Variants in INPP5B observed in about 807,000 individuals in gnomAD.
INPP5B encodes inositol polyphosphate-5-phosphatase B.
In INPP5B, 90 loss-of-function variants were observed where a neutral mutation model predicts 118.5. That is an observed-to-expected ratio of 0.76 (90% CI 0.64 to 0.90). The LOEUF is 0.90. INPP5B is among the 40% of genes least tolerant of loss of function. The pLI is 0.00. For synonymous variants in INPP5B, 385 were observed against 418.9 expected, an observed-to-expected ratio of 0.92 and a Z score of 0.99; for missense variants, 984 against 1,125.6, an observed-to-expected ratio of 0.87 and a Z score of 1.80.
intron 14 of INPP5B, among the ~76,000 whole-genome samples, chr1:37,880,620 T>G (rs1643140392): frequency 6.6e-6 from 1 of 152,108 alleles, no homozygotes; most frequent in Non-Finnish European, 1.5e-5. Flanking sequence ...GTATTTTTAG[T>G]AGAGACAGAG....
intron 7 of INPP5B, among the ~76,000 whole-genome samples, chr1:37,920,931 CCT>C (rs1224305132): frequency 4.6e-5 from 7 of 152,020 alleles, no homozygotes; most frequent in African/African-American, 1.4e-4. Flanking sequence ...ACAGTGAAAC[CCT>C]GTCTCTACTA....
At chr1:37,912,455 T>C (rs1644731405) in intron 7 of INPP5B, among the ~76,000 whole-genome samples, 3 of 152,210 alleles carry the variant, frequency 2.0e-5, no homozygotes, top group Non-Finnish European at 4.4e-5. Flanking sequence ...ATTAGGTCTA[T>C]TCATCCTTAC....
At chr1:37,868,455 A>AGG (rs1300627137) in intron 20 of INPP5B, 46 bp downstream of exon 20, 6 of 1,311,706 alleles carry the variant, frequency 4.6e-6, no homozygotes, top group Non-Finnish European at 6.6e-6. Flanking sequence ...ATGGTCCTCA[A>AGG]GGCAGCCTGG....
At chr1:37,941,677 G>A (rs192171171) in intron 5 of INPP5B, among the ~76,000 whole-genome samples, 1,612 of 150,626 alleles carry the variant, frequency 0.011, 26 homozygotes, top group African/African-American at 0.038. Context: ...GGTGGCTCAC[G>A]CCTGTAATCC....
chr1:37,878,401 G>C (rs1642976440), intron 15 of INPP5B, 78 bp from the exon 16 acceptor site: 1 of 1,572,104 alleles, frequency 6.4e-7, no homozygotes, highest in South Asian at 1.2e-5. Flanking sequence ...TGGCTCAGGT[G>C]GGGAGTGATG....
intron 7 of INPP5B, among the ~76,000 whole-genome samples, chr1:37,897,790 G>A (rs1241342345): frequency 6.6e-6 from 1 of 151,724 alleles, no homozygotes; most frequent in Admixed American, 6.6e-5. Flanking sequence ...AATAAAATAA[G>A]ATAAAAGTAG....
At chr1:37,904,319 G>A (rs937111193) in intron 7 of INPP5B, among the ~76,000 whole-genome samples, 2 of 151,576 alleles carry the variant, frequency 1.3e-5, no homozygotes, top group Admixed American at 6.6e-5. Flanking sequence ...GCAAGACTCC[G>A]TCTCAAAAAA....
intron 7 of INPP5B, among the ~76,000 whole-genome samples, chr1:37,919,815 C>T (rs935500493): frequency 2.6e-5 from 4 of 152,016 alleles, no homozygotes; most frequent in African/African-American, 9.7e-5. Flanking sequence ...TGGTGGCAGG[C>T]GCCTATAATC....
In INPP5B at chr1:37,893,085, C is replaced by CTTTTTTTTTTT. The variant is rs71053999; in HGVS notation, c.533-1642_533-1632dup. ...TATGTTTTTTTATTATTTTCTTTTT[C>CTTTTTTTTTTT]TTTTTTTTTTTTTTTTTTTTTTTTT... On this transcript the variant is annotated intron_variant, in intron 7 of 23. Transcript: ENST00000373024. Among the ~76,000 whole-genome samples the CTTTTTTTTTTT allele has an allele frequency of 1.1e-4, 9 of 81,434 alleles. 1 individual carries two copies. Among genetic ancestry groups the CTTTTTTTTTTT allele is most frequent in the African/African-American group, 3.0e-4 (5 of 16,712 alleles). The allele number at this position is 81,434 out of a possible 152,430, so 53.4% of individuals were successfully genotyped here. A position where few individuals can be genotyped will look rare whatever the true frequency, so the allele number is the denominator to read the frequency against.
At chr1:37,896,418 A>G (rs1377979553) in intron 7 of INPP5B, among the ~76,000 whole-genome samples, 2 of 146,514 alleles carry the variant, frequency 1.4e-5, no homozygotes, top group Non-Finnish European at 3.0e-5. Flanking sequence ...TCCGGGAGGG[A>G]GGTGGGGGGG....
Position 37,885,715 on chromosome 1 carries a change from G to A in INPP5B, c.1242C>T (p.Asp414=). 1.2e-6 allele frequency: 2 copies of A among 1,614,186 alleles called. No individual in the cohort carries two copies. The highest frequency in any genetic ancestry group is 1.7e-6 in the Non-Finnish European group (2 of 1,180,016). ...GCATTCGAGAACAAATGTCCTTATAGTCCTGGTTCCTCCTCTCATACTCTT... is the reference window on the plus strand; with the variant it reads ...GCATTCGAGAACAAATGTCCTTATAATCCTGGTTCCTCCTCTCATACTCTT... The part of the protein sequence containing the change: ...HIEEYERRNQ[D]YKDICSRMQF... Residue 414 remains aspartate, a synonymous_variant, in exon 13 of 24, where the codon GAC becomes GAT. Coordinates refer to ENST00000373024, the MANE Select transcript of INPP5B (RefSeq NM_005540.3).
intron 7 of INPP5B, among the ~76,000 whole-genome samples, chr1:37,903,832 G>A (rs1644414236): frequency 6.6e-6 from 1 of 152,194 alleles, no homozygotes; most frequent in Non-Finnish European, 1.5e-5. Flanking sequence ...AGAGGTTGCA[G>A]TGAGCCAAGA....
intron 15 of INPP5B, among the ~76,000 whole-genome samples, chr1:37,879,066 G>C (rs1039150764): frequency 4.0e-5 from 6 of 150,196 alleles, no homozygotes; most frequent in Non-Finnish European, 7.4e-5. Context: ...GAGGTCAAGA[G>C]ATTGAGACCA....
At chr1:37,911,657 A>G (rs1168923909) in intron 7 of INPP5B, among the ~76,000 whole-genome samples, 1 of 152,174 alleles carries the variant, frequency 6.6e-6, no homozygotes, top group Non-Finnish European at 1.5e-5. Flanking sequence ...GTCAATATTT[A>G]TACTGACTCT....
intron 7 of INPP5B, chr1:37,931,593 C>T: frequency 6.5e-7 from 1 of 1,538,214 alleles, no homozygotes; most frequent in Non-Finnish European, 8.7e-7. Context: ...GCCAAACCGC[C>T]GACCCTGCCC....
chr1:37,934,796 C>G (rs1645622028), intron 6 of INPP5B, among the ~76,000 whole-genome samples: 2 of 152,164 alleles, frequency 1.3e-5, no homozygotes, highest in Non-Finnish European at 2.9e-5. Context: ...AGAAAGAAGT[C>G]ATCCTTGACT....
chr1:37,875,812 G>C, intron 16 of INPP5B, 96 bp from the exon 17 acceptor site: 1 of 773,660 alleles, frequency 1.3e-6, no homozygotes, highest in Non-Finnish European at 2.2e-6. Context: ...AATAGCAGTT[G>C]ATAGCAACAC....
rs1641704813 is a variant in INPP5B, at chr1:37,861,716, G to A, written c.*599C>T. ...ACGCACTCCAGCCTGGGCAACAAGA[G>A]TGAAACTCCATCTCAAAAAAGAAAA... On this transcript the variant is annotated 3_prime_UTR_variant, in exon 24 of 24. Coordinates refer to ENST00000373024, the MANE Select transcript of INPP5B (RefSeq NM_005540.3). The A allele has an allele frequency of 6.9e-6, 1 of 144,366 alleles. No individual in the cohort carries two copies. The highest frequency in any genetic ancestry group is 1.5e-5 in the Non-Finnish European group (1 of 66,818). The allele number at this position is 144,366 out of a possible 1,614,324, so 8.9% of individuals were successfully genotyped here.
intron 7 of INPP5B, among the ~76,000 whole-genome samples, chr1:37,903,675 T>C (rs1354835321): frequency 6.6e-6 from 1 of 151,252 alleles, no homozygotes; most frequent in African/African-American, 2.4e-5. Flanking sequence ...TGCAGTGAGC[T>C]GAGATCGTGC....
Sources: gnomAD v4.1 joint callset for allele counts (sites outside exome capture counted in the v4.1 genomes callset) on GRCh38, gnomAD v4.1.1 for gene constraint, MANE v1.5 for transcripts, NCBI Gene and HGNC (gene_info 2026-07-23, HGNC 2026-07-21) for gene names.